The following RYR3 variants were observed in gnomAD, a reference collection of about 807,000 sequenced individuals.
RYR3 encodes ryanodine receptor 3, also known as brain ryanodine receptor-calcium release channel.
RYR3 carries 207 observed loss-of-function variants against 584.3 expected under a neutral mutation model. The ratio of observed to expected loss-of-function variants is 0.35; its 90% CI spans 0.32 to 0.40. RYR3 has a LOEUF of 0.40. Among genes scored for constraint, RYR3 ranks in the 10% least tolerant of loss-of-function variants. RYR3 has a pLI of 1.00. For missense variants in RYR3, 5,616 were observed against 6,089.2 expected (o/e 0.92, Z 2.59); for synonymous variants, 2,416 against 2,248.5 (o/e 1.07, Z -2.11).
At chr15:33,371,329 A>C (rs1206716622) in intron 1 of RYR3, among the ~76,000 whole-genome samples, 1 of 152,200 alleles carries the variant, frequency 6.6e-6, no homozygotes, top group African/African-American at 2.4e-5. Context: ...TTCCAAGTCA[A>C]ACCAATGCGG....
At chr15:33,621,076 C>T (rs10519841) in intron 19 of RYR3, among the ~76,000 whole-genome samples, 26,364 of 152,090 alleles carry the variant, frequency 0.17, 2,761 homozygotes, top group Admixed American at 0.25. Context: ...AAAAACTAAG[C>T]GTTGTTCTCA....
chr15:33,522,092 T>TA (rs36044198), intron 3 of RYR3, among the ~76,000 whole-genome samples: 40,367 of 114,626 alleles, frequency 0.35, 7,329 homozygotes, highest in East Asian at 0.5. Context: ...CATCTCTACT[T>TA]AAAAAAAAAA....
chr15:33,741,470 A>T (rs1172278139), intron 51 of RYR3, among the ~76,000 whole-genome samples: 1 of 62,394 alleles, frequency 1.6e-5, no homozygotes, highest in African/African-American at 6.8e-5. Flanking sequence ...GACAGTTCAC[A>T]TAACACTGCA....
intron 67 of RYR3, among the ~76,000 whole-genome samples, chr15:33,799,929 G>T (rs369306730): frequency 1.1e-5 from 1 of 91,574 alleles, no homozygotes; most frequent in Non-Finnish European, 2.1e-5. Context: ...GAAACAGTGG[G>T]GGTTTTTTGT....
At chr15:33,792,179 C>T (rs2075201032) in intron 67 of RYR3, among the ~76,000 whole-genome samples, 1 of 152,080 alleles carries the variant, frequency 6.6e-6, no homozygotes, top group Non-Finnish European at 1.5e-5. Flanking sequence ...GGGAATGGCT[C>T]AGATTAGTGG....
At chr15:33,822,140 T>G (rs983632888) in intron 80 of RYR3, among the ~76,000 whole-genome samples, 1 of 152,124 alleles carries the variant, frequency 6.6e-6, no homozygotes, top group Non-Finnish European at 1.5e-5. Flanking sequence ...CAGCCTACAC[T>G]CTAGTGAGCA....
At chr15:33,784,833 G>A (rs1311944470) in intron 65 of RYR3, among the ~76,000 whole-genome samples, 2 of 151,872 alleles carry the variant, frequency 1.3e-5, no homozygotes, top group Non-Finnish European at 2.9e-5. Context: ...CTTAAGGGAA[G>A]CAGGACAGAT....
intron 5 of RYR3, among the ~76,000 whole-genome samples, chr15:33,535,497 A>C (rs1173353743): frequency 1.3e-5 from 2 of 152,236 alleles, no homozygotes; most frequent in Non-Finnish European, 2.9e-5. Context: ...ATTTCCTCTA[A>C]GGTGTTGTCG....
At chr15:33,493,965 G>A (rs2051195925) in intron 2 of RYR3, among the ~76,000 whole-genome samples, 1 of 152,170 alleles carries the variant, frequency 6.6e-6, no homozygotes, top group East Asian at 1.9e-4. Flanking sequence ...GATAATTGAT[G>A]CAAGTGTTGT....
chr15:33,434,710 T>C (rs554038666), intron 1 of RYR3, among the ~76,000 whole-genome samples: 1 of 152,314 alleles, frequency 6.6e-6, no homozygotes, highest in East Asian at 1.9e-4. Flanking sequence ...TATTTCTCTC[T>C]CCTCTTCAGA....
At position 33,563,607 on chromosome 15, in the gene RYR3, A is replaced by G. The variant is rs565747265; in HGVS notation, c.1146+597A>G. Reference sequence around the variant, plus strand: ...TGTTTCTTTTGGTGGGAACCAAATAATGGATGTCAAAGATGTGATGCTTTT... The same window carrying G: ...TGTTTCTTTTGGTGGGAACCAAATAGTGGATGTCAAAGATGTGATGCTTTT... On this transcript the variant is annotated intron_variant, in intron 11 of 103. Coordinates refer to ENST00000634891, the MANE Select transcript of RYR3 (RefSeq NM_001036.6). 9.2e-5 allele frequency among the ~76,000 whole-genome samples: 14 copies of G among 152,270 alleles called. No homozygotes were observed. The South Asian group carries it at 2.7e-3, about 29-fold the overall frequency.
intron 74 of RYR3, among the ~76,000 whole-genome samples, chr15:33,814,963 G>A (rs1480603707): frequency 3.3e-5 from 5 of 150,066 alleles, no homozygotes; most frequent in Non-Finnish European, 7.4e-5. Flanking sequence ...CCAGCTATTT[G>A]GGAGGCTGAA....
At chr15:33,664,905 T>A (rs904399069) in intron 36 of RYR3, among the ~76,000 whole-genome samples, 1 of 152,122 alleles carries the variant, frequency 6.6e-6, no homozygotes, top group Non-Finnish European at 1.5e-5. Context: ...GAATGACATA[T>A]CTTGGCTTTC....
chr15:33,314,680 CG>C, intron 1 of RYR3, among the ~76,000 whole-genome samples: 1 of 152,160 alleles, frequency 6.6e-6, no homozygotes, highest in East Asian at 1.9e-4. Context: ...TTTGGGAGGC[CG>C]AGGCGGGTGG....
At chr15:33,534,410 A>G (rs2055150668) in intron 5 of RYR3, among the ~76,000 whole-genome samples, 1 of 152,270 alleles carries the variant, frequency 6.6e-6, no homozygotes, top group Admixed American at 6.5e-5. Flanking sequence ...TCGAAAGAAA[A>G]AAGTAGTAAA....
At chr15:33,418,374 A>G (rs1222589041) in intron 1 of RYR3, among the ~76,000 whole-genome samples, 1 of 150,930 alleles carries the variant, frequency 6.6e-6, no homozygotes, top group Non-Finnish European at 1.5e-5. Flanking sequence ...TTACTGATTT[A>G]CTCATTATTG....
chr15:33,836,209 G>T lies in RYR3; in HGVS notation c.11569-697G>T, dbSNP rs114656436. 7.3e-3 allele frequency among the ~76,000 whole-genome samples: 1,089 copies of T among 149,856 alleles called. 14 individuals are homozygous for T. Among genetic ancestry groups the T allele is most frequent in the African/African-American group, 0.026 (1,042 of 40,656 alleles). ...CTTTCCTTTTTTTTGTGAGGGGGGG[G>T]TCTGTAAAAGGTATGTGACTCGGAA... is the stretch of plus-strand genomic sequence containing the variant. On this transcript the variant is annotated intron_variant, in intron 87 of 103. Transcript: ENST00000634891.
At chr15:33,579,525 TA>T (rs1290461192) in intron 12 of RYR3, among the ~76,000 whole-genome samples, 1 of 151,644 alleles carries the variant, frequency 6.6e-6, no homozygotes, top group Non-Finnish European at 1.5e-5. Flanking sequence ...GTTTTTATTT[TA>T]AAAAAAAATG....
At chr15:33,529,285 A>G (rs2141033106) in intron 3 of RYR3, among the ~76,000 whole-genome samples, 1 of 152,346 alleles carries the variant, frequency 6.6e-6, no homozygotes, top group Middle Eastern at 3.4e-3. Flanking sequence ...TTGGAACATG[A>G]TACCACGTTT....
Sources: gnomAD v4.1 joint callset for allele counts (sites outside exome capture counted in the v4.1 genomes callset) on GRCh38, gnomAD v4.1.1 for gene constraint, MANE v1.5 for transcripts, NCBI Gene and HGNC (gene_info 2026-07-23, HGNC 2026-07-21) for gene names.